Variants in CASZ1 observed in about 807,000 individuals in gnomAD.
CASZ1 encodes castor zinc finger 1, also known as zinc finger protein castor homolog 1.
In CASZ1, 28 loss-of-function variants were observed where a neutral mutation model predicts 135.2. The observed-to-expected ratio is 0.21, with a 90% CI of 0.15 to 0.28. The LOEUF (loss-of-function observed/expected upper bound fraction) is 0.28. Among genes scored for constraint, CASZ1 ranks in the 10% least tolerant of loss-of-function variants. The probability of loss-of-function intolerance (pLI) is 1.00; values close to 1 mark genes in which losing one functional copy is unlikely to be tolerated. For synonymous variants in CASZ1, 1,068 were observed against 1,073.4 expected, an observed-to-expected ratio of 0.99 and a Z score of 0.10; for missense variants, 2,161 against 2,453.3, an observed-to-expected ratio of 0.88 and a Z score of 2.52.
chr1:10,705,309 G>A lies in CASZ1; in HGVS notation c.-24+183C>T, dbSNP rs1038271812. On this transcript the variant is annotated intron_variant, in intron 3 of 20. Coordinates refer to ENST00000377022, the MANE Select transcript of CASZ1 (RefSeq NM_001079843.3). Reference sequence around the variant, plus strand: ...GCCAAACCGAGGGGATCCTACTGGCGGGAGGGCATCTTTTCCCATCAGGGC... The same window carrying A: ...GCCAAACCGAGGGGATCCTACTGGCAGGAGGGCATCTTTTCCCATCAGGGC... Among the ~76,000 whole-genome samples the A allele has an allele frequency of 3.3e-5, 5 of 152,204 alleles. No homozygotes were observed. The South Asian group carries it at 6.2e-4, about 19-fold the overall frequency.
At chr1:10,640,552 C>G (rs892224499) in intron 20 of CASZ1, among the ~76,000 whole-genome samples, 3 of 152,226 alleles carry the variant, frequency 2.0e-5, no homozygotes, top group Non-Finnish European at 4.4e-5. Flanking sequence ...GGGGAGCTGC[C>G]TACTCACAGT....
In CASZ1 at chr1:10,709,696, G is replaced by C. The variant is rs1639248074; in HGVS notation, c.-76-4152C>G. Among the ~76,000 whole-genome samples the C allele has an allele frequency of 6.6e-6, 1 of 152,198 alleles. No homozygotes were observed. Among genetic ancestry groups the C allele is most frequent in the East Asian group, 1.9e-4 (1 of 5,190 alleles). On this transcript the variant is annotated intron_variant, in intron 2 of 20. Transcript: ENST00000377022. The surrounding 1 kb of genome is among the most constrained non-coding windows in gnomAD (Gnocchi z 5.1). Reference sequence around the variant, plus strand: ...TCAAAGTGCTGCCCGGAGGACGGCTGGGGAGAGAAAGGCCCCAGGCAGGGG... The same window carrying C: ...TCAAAGTGCTGCCCGGAGGACGGCTCGGGAGAGAAAGGCCCCAGGCAGGGG...
At position 10,756,451 on chromosome 1, in the gene CASZ1, G is replaced by A. The variant is rs1570565195; in HGVS notation, c.-77+4250C>T. On this transcript the variant is annotated intron_variant, in intron 2 of 20. Coordinates refer to ENST00000377022, the MANE Select transcript of CASZ1 (RefSeq NM_001079843.3). The surrounding 1 kb of genome is among the most constrained non-coding windows in gnomAD (Gnocchi z 5.9). ...CAAGGGCAAGTGCTCACGCGAGCCC[G>A]GCAGCCGGCTGTGACAGCTTCACGC... Among the ~76,000 whole-genome samples the A allele has an allele frequency of 1.3e-5, 2 of 152,362 alleles. No homozygotes were observed. Among genetic ancestry groups the A allele is most frequent in the South Asian group, 2.1e-4 (1 of 4,830 alleles).
rs1359487929 is a variant in CASZ1 at position 10,647,859 on chromosome 1, T to C, written c.3439A>G (p.Thr1147Ala). Residue 1147 changes from threonine (T) to alanine (A), a missense_variant, in exon 16 of 21, where the codon ACT (threonine) becomes GCT (alanine). Physicochemically the swap from Thr to Ala is moderately conservative, Grantham distance 58. This residue lies in a region of CASZ1 where 349 missense variants were observed against 460.8 expected (regional missense o/e 0.76). Coordinates refer to ENST00000377022, the MANE Select transcript of CASZ1 (RefSeq NM_001079843.3). This position sits in a 1 kb window ranked among gnomAD's most constrained non-coding sequence, Gnocchi z 4.9. ...PHLPASPLAT[T>A]SLENAKPQVK... ...TGGGGCTTGGCGTTCTCTAGAGAAG[T>C]CGTTGCCAAGGGCGAGGCGGGCAGG... 1.2e-6 allele frequency: 2 copies of C among 1,613,762 alleles called. No individual in the cohort carries two copies. The highest frequency in any genetic ancestry group is 2.2e-5 in the South Asian group (2 of 91,080).
intron 1 of CASZ1, among the ~76,000 whole-genome samples, chr1:10,763,751 C>T (rs377311399): frequency 1.1e-4 from 17 of 152,326 alleles, no homozygotes; most frequent in African/African-American, 3.4e-4. Flanking sequence ...GCTGGGCCAC[C>T]GTGGGCAGCG....
chr1:10,677,430 C>T (rs1638258926), intron 4 of CASZ1, among the ~76,000 whole-genome samples: 1 of 152,130 alleles, frequency 6.6e-6, no homozygotes, highest in Non-Finnish European at 1.5e-5. Flanking sequence ...GAAGCAGCTG[C>T]TCGTCCTGAC....
In CASZ1 at chr1:10,663,050, C is replaced by T. The variant is rs145747448; in HGVS notation, c.505+2033G>A. Among the ~76,000 whole-genome samples, 978 of 152,318 alleles carry T rather than the reference C, an allele frequency of 6.4e-3. 15 individuals are homozygous for T. The highest frequency in any genetic ancestry group is 0.022 in the African/African-American group (920 of 41,572). On this transcript the variant is annotated intron_variant, in intron 5 of 20. Coordinates refer to ENST00000377022, the MANE Select transcript of CASZ1 (RefSeq NM_001079843.3). The stretch of plus-strand genomic sequence containing the variant: ...GCCCTGCATCAGGGTTAGGTGCACC[C>T]GCGAGACTGAGACCTGCACGGCCCC...
At chr1:10,687,608 C>T (rs547022057) in intron 4 of CASZ1, among the ~76,000 whole-genome samples, 3 of 152,172 alleles carry the variant, frequency 2.0e-5, no homozygotes, top group Non-Finnish European at 2.9e-5. Flanking sequence ...ATCCCGGAAG[C>T]GGGGAAGAGA....
rs767698037 is a variant in CASZ1 at position 10,693,894 on chromosome 1, T to C, written c.-5A>G. 2 of 1,613,202 alleles carry C rather than the reference T, an allele frequency of 1.2e-6. No individual in the cohort carries two copies. Among genetic ancestry groups the C allele is most frequent in the South Asian group, 2.2e-5 (2 of 91,080 alleles). On this transcript the variant is annotated 5_prime_UTR_variant, in exon 4 of 21. Coordinates refer to ENST00000377022, the MANE Select transcript of CASZ1 (RefSeq NM_001079843.3). ...GGTACCTGTTCCAAGATCCATTCTC[T>C]TCTCCTTGGTCCCAAACTCTTCGCA...
At chr1:10,705,685 G>C (rs963109159) in intron 2 of CASZ1, 141 bp from the exon 3 acceptor site, 16 of 152,330 alleles carry the variant, frequency 1.1e-4, no homozygotes, top group Non-Finnish European at 2.1e-4. Flanking sequence ...CAGCCAAGAG[G>C]GCCAGAAACT....
intron 4 of CASZ1, among the ~76,000 whole-genome samples, chr1:10,688,889 C>T (rs1370311254): frequency 1.3e-5 from 2 of 152,160 alleles, no homozygotes; most frequent in Non-Finnish European, 2.9e-5. Context: ...CTCATTGTAC[C>T]CTGGCCCAGC....
chr1:10,707,756 T>C lies in CASZ1; in HGVS notation c.-76-2212A>G, dbSNP rs1419909784. 6.6e-6 allele frequency among the ~76,000 whole-genome samples: 1 copy of C among 152,172 alleles called. No homozygotes were observed. The highest frequency in any genetic ancestry group is 1.5e-5 in the Non-Finnish European group (1 of 68,014). ...TCTTCCTTCTCTGGGCATCTTTTCT[T>C]GTCTCTCTGCCTCTCACTGTCCCCA... On this transcript the variant is annotated intron_variant, in intron 2 of 20. Coordinates refer to ENST00000377022, the MANE Select transcript of CASZ1 (RefSeq NM_001079843.3). This position sits in a 1 kb window ranked among gnomAD's most constrained non-coding sequence, Gnocchi z 5.0.
chr1:10,745,562 A>G (rs1266134423), intron 2 of CASZ1, among the ~76,000 whole-genome samples: 3 of 152,300 alleles, frequency 2.0e-5, no homozygotes, highest in East Asian at 1.9e-4. Context: ...TGCTGGGTTG[A>G]ACGTCCTGCT....
chr1:10,749,843 C>A (rs1640117516), intron 2 of CASZ1, among the ~76,000 whole-genome samples: 1 of 152,308 alleles, frequency 6.6e-6, no homozygotes, highest in East Asian at 1.9e-4. Context: ...CCCCCAACAA[C>A]CAAGGCCTGG....
chr1:10,765,642 C>T (rs17035686), intron 1 of CASZ1, among the ~76,000 whole-genome samples: 10,775 of 152,132 alleles, frequency 0.071, 601 homozygotes, highest in African/African-American at 0.15. Context: ...CCTCTGGCAA[C>T]GGCCTCATTG....
intron 4 of CASZ1, among the ~76,000 whole-genome samples, chr1:10,690,120 C>G (rs1276396288): frequency 2.0e-5 from 3 of 152,218 alleles, no homozygotes; most frequent in Non-Finnish European, 4.4e-5. Flanking sequence ...TGAGAGCAAT[C>G]TGCTCTGCCC....
chr1:10,777,232 C>G lies in CASZ1; in HGVS notation c.-233-16375G>C, dbSNP rs1031482340. ...ACAGGTGTCTCTGAGCCCACCCGAG[C>G]CTCGGAAGCTCAGCTGGGAATCTGT... On this transcript the variant is annotated intron_variant, in intron 1 of 20. Transcript: ENST00000377022. The surrounding 1 kb of genome is among the most constrained non-coding windows in gnomAD (Gnocchi z 4.4). Among the ~76,000 whole-genome samples the G allele has an allele frequency of 2.0e-5, 3 of 152,162 alleles. No individual in the cohort carries two copies. Among genetic ancestry groups the G allele is most frequent in the African/African-American group, 7.2e-5 (3 of 41,434 alleles).
chr1:10,687,004 G>T (rs1429307411), intron 4 of CASZ1, among the ~76,000 whole-genome samples: 8 of 152,188 alleles, frequency 5.3e-5, no homozygotes, highest in Non-Finnish European at 1.2e-4. Context: ...GGAGGCACTG[G>T]GCTAGAGGGC....
At chr1:10,783,308 C>T (rs1182836090) in intron 1 of CASZ1, among the ~76,000 whole-genome samples, 2 of 150,632 alleles carry the variant, frequency 1.3e-5, no homozygotes, top group African/African-American at 2.5e-5. Flanking sequence ...CATGGGCAAG[C>T]GTATATGTTT....
Sources: gnomAD v4.1 joint callset for allele counts (sites outside exome capture counted in the v4.1 genomes callset) on GRCh38, gnomAD v4.1.1 for gene constraint, gnomAD v4.1.1 regional missense constraint, Gnocchi (gnomAD v3.1) non-coding constraint, MANE v1.5 for transcripts, NCBI Gene and HGNC (gene_info 2026-07-23, HGNC 2026-07-21) for gene names.